The following UTRN variants were observed in gnomAD, a reference collection of about 807,000 sequenced individuals.
UTRN encodes dystrophin-related protein 1.
Under a neutral mutation model 463.9 loss-of-function variants are expected in UTRN, and 283 were observed. The ratio of observed to expected loss-of-function variants is 0.61; its 90% confidence interval spans 0.55 to 0.67. UTRN has a LOEUF of 0.67. Ranked by LOEUF, UTRN falls within the 30% of genes least tolerant of loss-of-function variation. The probability of loss-of-function intolerance (pLI) is 0.00; values close to 1 mark genes in which losing one functional copy is unlikely to be tolerated. For synonymous variants in UTRN, 1,442 were observed against 1,431.5 expected (o/e 1.01, Z -0.17); for missense variants, 3,922 against 4,084.3 (o/e 0.96, Z 1.08).
At chr6:144,554,574 C>A in intron 48 of UTRN, 114 bp from the exon 49 acceptor site, 2 of 1,048,952 alleles carry the variant, frequency 1.9e-6, no homozygotes, top group Non-Finnish European at 2.7e-6. Context: ...TGTTTATCAG[C>A]TTGCCTTCTT....
At chr6:144,469,703 CT>C (rs545551155) in intron 23 of UTRN, among the ~76,000 whole-genome samples, 59 of 135,512 alleles carry the variant, frequency 4.4e-4, no homozygotes, top group Admixed American at 8.0e-4. Flanking sequence ...TGTTTCTTTC[CT>C]TTTTTTTTTT....
chr6:144,679,904 C>A (rs1192876978), intron 52 of UTRN, among the ~76,000 whole-genome samples: 2 of 151,954 alleles, frequency 1.3e-5, no homozygotes, highest in Admixed American at 1.3e-4. Flanking sequence ...GTGTAAAGTT[C>A]CCATTGGGAA....
chr6:144,828,824 C>T lies in UTRN; in HGVS notation c.9634C>T (p.Leu3212Phe), dbSNP rs774740090. 4 of 1,613,422 alleles carry T rather than the reference C, an allele frequency of 2.5e-6. No individual in the cohort carries two copies. Among genetic ancestry groups the T allele is most frequent in the Non-Finnish European group, 2.5e-6 (3 of 1,179,556 alleles). ...AQMERTNGSF[L>F]TDSSSTTGSV... ...GATGGAAAGGACTAATGGGTCTTTT[C>T]TCACTGATAGCAGCTCCACCACAGG... Residue 3212 changes from leucine (L) to phenylalanine (F), a missense_variant, in exon 69 of 75, where the codon CTC (leucine) becomes TTC (phenylalanine). By Grantham distance (22) the Leu-to-Phe change is conservative. This residue lies in a region of UTRN where 1,309 missense variants were observed against 1,452.6 expected (regional missense o/e 0.90). Transcript: ENST00000367545.
intron 46 of UTRN, among the ~76,000 whole-genome samples, chr6:144,546,092 T>C (rs79376546): frequency 6.6e-6 from 1 of 152,126 alleles, no homozygotes; most frequent in African/African-American, 2.4e-5. Flanking sequence ...AAACAATGAA[T>C]TTTTTTTATC....
intron 74 of UTRN, 24 bp downstream of exon 74, chr6:144,846,851 C>T (rs747174660): frequency 6.2e-7 from 1 of 1,613,922 alleles, no homozygotes; most frequent in Non-Finnish European, 8.5e-7. Context: ...GCTTGGTTGG[C>T]TCTATGTTAC....
Position 144,827,666 on chromosome 6 carries a change from T to C in UTRN, c.9589T>C (p.Tyr3197His). Reference protein sequence around the residue: ...HDDTHSRIEQYATRLAQMERT... With the variant: ...HDDTHSRIEQHATRLAQMERT... ...TGACACCCATTCAAGAATAGAACAA[T>C]ATGCCACACGGTAAGAAACTTTGAT... The change falls in exon 68 of 75, where the codon TAT (tyrosine) becomes CAT (histidine). Residue 3197 changes from tyrosine to histidine, a missense_variant. Tyr to His is a moderately conservative substitution (Grantham distance 83). Transcript: ENST00000367545. 1 of 1,613,596 alleles carries C rather than the reference T, an allele frequency of 6.2e-7. No individual in the cohort carries two copies. Among genetic ancestry groups the C allele is most frequent in the Non-Finnish European group, 8.5e-7 (1 of 1,179,690 alleles).
intron 58 of UTRN, 34 bp from the exon 59 acceptor site, chr6:144,771,873 T>C: frequency 6.4e-7 from 1 of 1,553,556 alleles, no homozygotes; most frequent in Non-Finnish European, 8.7e-7. Flanking sequence ...TTTGATTTTT[T>C]GTTTATTTTT....
intron 2 of UTRN, among the ~76,000 whole-genome samples, chr6:144,354,635 G>A (rs577105387): frequency 2.6e-5 from 4 of 152,228 alleles, no homozygotes; most frequent in Admixed American, 6.5e-5. Flanking sequence ...GCTGGATGCC[G>A]GGCCTGTCCT....
rs147633518 is a variant in UTRN at position 144,639,346 on chromosome 6, T to C, written c.7480-39060T>C. 3.4e-3 allele frequency among the ~76,000 whole-genome samples: 523 copies of C among 152,314 alleles called. 2 individuals are homozygous for C. Among genetic ancestry groups the C allele is most frequent in the African/African-American group, 0.012 (492 of 41,576 alleles). On this transcript the variant is annotated intron_variant, in intron 51 of 74. Transcript: ENST00000367545. ...TGTTCACTTTCCTTTGCTCCATACT[T>C]AACTAATTTTCCAGATTTCTGTCCT...
chr6:144,440,293 G>GT lies in UTRN; in HGVS notation c.1393-55dup, dbSNP rs1210556030. 1.3e-5 allele frequency: 21 copies of GT among 1,588,630 alleles called. No individual in the cohort carries two copies. In the East Asian group the frequency reaches 4.5e-4, roughly 34 times the overall value. ...TTAATTACTATTGACAACTGAGTGC[G>GT]TTTTAAATAGGTAAATGTGAAAGTA... On this transcript the variant is annotated intron_variant, in intron 12 of 74. Transcript: ENST00000367545.
chr6:144,540,731 A>G (rs73781915), intron 45 of UTRN, among the ~76,000 whole-genome samples: 3,113 of 152,314 alleles, frequency 0.02, 123 homozygotes, highest in African/African-American at 0.071. Context: ...TATGAATTCT[A>G]TCACAAAAAG....
At chr6:144,384,983 C>G (rs1209923481) in intron 2 of UTRN, among the ~76,000 whole-genome samples, 1 of 152,082 alleles carries the variant, frequency 6.6e-6, no homozygotes, top group Non-Finnish European at 1.5e-5. Flanking sequence ...TGGTAGTTAG[C>G]TTACTCTTAT....
chr6:144,654,808 G>A (rs551895267), intron 51 of UTRN, among the ~76,000 whole-genome samples: 4 of 152,172 alleles, frequency 2.6e-5, no homozygotes, highest in East Asian at 1.9e-4. Flanking sequence ...ATAAAGTGCC[G>A]TCTGAATTGT....
intron 51 of UTRN, among the ~76,000 whole-genome samples, chr6:144,628,006 G>T (rs1403086966): frequency 6.6e-6 from 1 of 151,936 alleles, no homozygotes; most frequent in East Asian, 1.9e-4. Context: ...TCACCATGTC[G>T]GTCAGGCTGG....
intron 47 of UTRN, 24 bp from the exon 48 acceptor site, chr6:144,550,941 C>T (rs755712179): frequency 7.1e-6 from 11 of 1,557,448 alleles, no homozygotes; most frequent in African/African-American, 2.8e-5. Context: ...TTAACCTATC[C>T]GAATAATCAT....
intron 2 of UTRN, among the ~76,000 whole-genome samples, chr6:144,379,192 T>C (rs1780704586): frequency 6.6e-6 from 1 of 151,800 alleles, no homozygotes; most frequent in South Asian, 2.1e-4. Context: ...TAGCAGCAAA[T>C]CTATATTAGT....
intron 51 of UTRN, among the ~76,000 whole-genome samples, chr6:144,624,306 G>A (rs1190428172): frequency 1.3e-5 from 2 of 152,146 alleles, no homozygotes; most frequent in African/African-American, 2.4e-5. Context: ...GGGCATTACT[G>A]TGCTTTAGAA....
chr6:144,404,196 T>C (rs2114799820), intron 3 of UTRN, among the ~76,000 whole-genome samples: 1 of 152,314 alleles, frequency 6.6e-6, no homozygotes, highest in South Asian at 2.1e-4. Context: ...GTATTTTATC[T>C]TGCCTGTGAG....
chr6:144,582,606 G>C (rs1802070713), intron 51 of UTRN, among the ~76,000 whole-genome samples: 1 of 152,136 alleles, frequency 6.6e-6, no homozygotes, highest in Non-Finnish European at 1.5e-5. Context: ...TGTCTAAGGG[G>C]AAATGTGGCA....
Sources: gnomAD v4.1 joint callset for allele counts (sites outside exome capture counted in the v4.1 genomes callset) on GRCh38, gnomAD v4.1.1 for gene constraint, gnomAD v4.1.1 regional missense constraint, MANE v1.5 for transcripts, NCBI Gene and HGNC (gene_info 2026-07-23, HGNC 2026-07-21) for gene names.